Variants in ARHGEF7 observed in about 807,000 individuals in gnomAD.
ARHGEF7 encodes Rho guanine nucleotide exchange factor 7.
ARHGEF7 carries 33 observed loss-of-function variants against 109.8 expected under a neutral mutation model. That is an observed-to-expected ratio of 0.30 (90% CI 0.23 to 0.40). The LOEUF (loss-of-function observed/expected upper bound fraction) is 0.40. Among genes scored for constraint, ARHGEF7 ranks in the 10% least tolerant of loss-of-function variants. The probability of loss-of-function intolerance (pLI) is 1.00; values close to 1 mark genes in which losing one functional copy is unlikely to be tolerated. For synonymous variants in ARHGEF7, 458 were observed against 424.6 expected, an observed-to-expected ratio of 1.08 and a Z score of -0.97; for missense variants, 938 against 1,098.5, an observed-to-expected ratio of 0.85 and a Z score of 2.07.
chr13:111,200,453 C>CTT (rs34569096), intron 2 of ARHGEF7, among the ~76,000 whole-genome samples: 46,141 of 146,130 alleles, frequency 0.32, 8,044 homozygotes, highest in Non-Finnish European at 0.4. Context: ...GAAATCATGT[C>CTT]TTTTTTTTTT....
At chr13:111,194,081 C>T (rs773522017) in intron 2 of ARHGEF7, among the ~76,000 whole-genome samples, 11 of 152,298 alleles carry the variant, frequency 7.2e-5, no homozygotes, top group Middle Eastern at 3.4e-3. Context: ...GACGCTAAGA[C>T]GGCCACCGCC....
Position 111,280,475 on chromosome 13 carries a change from T to C in ARHGEF7, c.1586-63T>C, listed in dbSNP as rs770231821. 43 of 1,578,640 alleles carry C rather than the reference T, an allele frequency of 2.7e-5. 1 individual carries two copies. The highest frequency in any genetic ancestry group is 3.4e-5 in the Non-Finnish European group (39 of 1,160,690). Reference sequence around the variant, plus strand: ...AAGCGCTGAGTGGAATTCTGGGGGGTGTGCACGCACGTGCTTTTTACCTGT... The same window carrying C: ...AAGCGCTGAGTGGAATTCTGGGGGGCGTGCACGCACGTGCTTTTTACCTGT... On this transcript the variant is annotated intron_variant, in intron 14 of 21. Coordinates refer to ENST00000646102, the MANE Select transcript of ARHGEF7 (RefSeq NM_001354046.2).
chr13:111,140,610 A>G (rs1226108896), intron 1 of ARHGEF7, among the ~76,000 whole-genome samples: 1 of 152,176 alleles, frequency 6.6e-6, no homozygotes, highest in African/African-American at 2.4e-5. Flanking sequence ...GAGGTCAAGG[A>G]AGGAATAAGG....
intron 2 of ARHGEF7, among the ~76,000 whole-genome samples, chr13:111,160,252 A>G (rs988446592): frequency 4.0e-5 from 6 of 151,620 alleles, no homozygotes; most frequent in African/African-American, 1.5e-4. Context: ...TGGCTGCTAT[A>G]GCTTGGTAAT....
chr13:111,164,616 A>G lies in ARHGEF7; in HGVS notation c.252+10625A>G, dbSNP rs541185472. 5.9e-5 allele frequency among the ~76,000 whole-genome samples: 9 copies of G among 152,260 alleles called. No homozygotes were observed. The East Asian group carries it at 1.7e-3, about 29-fold the overall frequency. ...TGAGTACTTGGTCTAGCCTGCTGGT[A>G]TTGTTCTTAGAGGTCTGTGATCAAT... On this transcript the variant is annotated intron_variant, in intron 2 of 21. Coordinates refer to ENST00000646102, the MANE Select transcript of ARHGEF7 (RefSeq NM_001354046.2).
intron 5 of ARHGEF7, among the ~76,000 whole-genome samples, chr13:111,222,046 T>G (rs2084494998): frequency 6.6e-6 from 1 of 152,146 alleles, no homozygotes; most frequent in Admixed American, 6.5e-5. Flanking sequence ...GGAAGCTGAT[T>G]AGGTGGTGCC....
intron 18 of ARHGEF7, among the ~76,000 whole-genome samples, chr13:111,289,779 G>A (rs774101710): frequency 7.1e-6 from 1 of 141,032 alleles, no homozygotes; most frequent in South Asian, 2.6e-4. Context: ...ACGGAATCTC[G>A]ATTATCCAGA....
chr13:111,154,575 G>T (rs137888815), intron 2 of ARHGEF7, among the ~76,000 whole-genome samples: 93 of 152,328 alleles, frequency 6.1e-4, no homozygotes, highest in African/African-American at 2.0e-3. Context: ...ACATTAACCA[G>T]TATGTGACGT....
At chr13:111,269,800 C>T (rs1032986678) in intron 9 of ARHGEF7, among the ~76,000 whole-genome samples, 7 of 152,172 alleles carry the variant, frequency 4.6e-5, no homozygotes, top group Non-Finnish European at 7.4e-5. Context: ...AGATTCCTCC[C>T]CACCCCAAAG....
At chr13:111,296,227 T>C (rs1233316383) in intron 19 of ARHGEF7, among the ~76,000 whole-genome samples, 2 of 151,802 alleles carry the variant, frequency 1.3e-5, no homozygotes, top group African/African-American at 4.8e-5. Context: ...TCCATAGTTC[T>C]CTAGAGATGT....
Position 111,272,422 on chromosome 13 carries a change from A to G in ARHGEF7, c.1074-1392A>G, listed in dbSNP as rs2092225698. Among the ~76,000 whole-genome samples the G allele has an allele frequency of 6.6e-6, 1 of 151,726 alleles. No individual in the cohort carries two copies. The highest frequency in any genetic ancestry group is 2.4e-5 in the African/African-American group (1 of 41,276). On this transcript the variant is annotated intron_variant, in intron 9 of 21. Coordinates refer to ENST00000646102, the MANE Select transcript of ARHGEF7 (RefSeq NM_001354046.2). The surrounding 1 kb of genome is among the most constrained non-coding windows in gnomAD (Gnocchi z 5.2). ...GGTGGGAGGCTCCTGTGAGACCAGA[A>G]CCGGAAATTGGCTTGTTTCTCAGTT...
chr13:111,196,954 A>G (rs2080581044), intron 2 of ARHGEF7, among the ~76,000 whole-genome samples: 1 of 152,182 alleles, frequency 6.6e-6, no homozygotes, highest in East Asian at 1.9e-4. Context: ...ATAGTGCAGA[A>G]AAAAATAAGC....
rs1263179075 is a variant in ARHGEF7, at chr13:111,239,880, T to A, written c.760-3992T>A. On this transcript the variant is annotated intron_variant, in intron 6 of 21. Transcript: ENST00000646102. This position sits in a 1 kb window ranked among gnomAD's most constrained non-coding sequence, Gnocchi z 4.3. The stretch of plus-strand genomic sequence containing the variant: ...GTTTGGGAGGATTGAGTGACTTAAT[T>A]GCAAGAAAGGCTGTCTTGTGAAATA... Among the ~76,000 whole-genome samples the A allele has an allele frequency of 6.6e-6, 1 of 151,996 alleles. No individual in the cohort carries two copies. The highest frequency in any genetic ancestry group is 2.4e-5 in the African/African-American group (1 of 41,354).
intron 2 of ARHGEF7, among the ~76,000 whole-genome samples, chr13:111,200,293 T>C (rs892766614): frequency 6.6e-6 from 1 of 152,162 alleles, no homozygotes; most frequent in Non-Finnish European, 1.5e-5. Flanking sequence ...GATGCAGTTG[T>C]GGTACAAAGG....
intron 2 of ARHGEF7, among the ~76,000 whole-genome samples, chr13:111,192,180 C>T (rs2079967470): frequency 6.6e-6 from 1 of 152,082 alleles, no homozygotes. Context: ...AGCTGATGGT[C>T]CTGCAGGTTT....
In ARHGEF7 at chr13:111,280,690, T is replaced by G. The variant is rs778044719; in HGVS notation, c.1725+13T>G. 6.6e-7 allele frequency: 1 copy of G among 1,523,856 alleles called. No individual in the cohort carries two copies. The allele number at this position is 1,523,856 out of a possible 1,614,324, so 94.4% of individuals were successfully genotyped here. A position where few individuals can be genotyped will look rare whatever the true frequency, so the allele number is the denominator to read the frequency against. The stretch of plus-strand genomic sequence containing the variant: ...GCCATCTCATACCGTAAGGACTTGG[T>G]GCTTCTCCTCCTTCCAGACTCCAGG... On this transcript the variant is annotated intron_variant, in intron 15 of 21. Transcript: ENST00000646102.
At chr13:111,251,319 G>A (rs1595183551) in intron 8 of ARHGEF7, among the ~76,000 whole-genome samples, 1 of 152,360 alleles carries the variant, frequency 6.6e-6, no homozygotes, top group East Asian at 1.9e-4. Context: ...GCTGGAGCCT[G>A]TGAATGGAGA....
At chr13:111,283,750 G>A in intron 16 of ARHGEF7, among the ~76,000 whole-genome samples, 1 of 152,168 alleles carries the variant, frequency 6.6e-6, no homozygotes, top group East Asian at 1.9e-4. Context: ...CTCTAGGTTG[G>A]GGATCCTGTC....
At chr13:111,295,856 G>T (rs971484141) in intron 19 of ARHGEF7, among the ~76,000 whole-genome samples, 3 of 152,250 alleles carry the variant, frequency 2.0e-5, no homozygotes, top group African/African-American at 7.2e-5. Flanking sequence ...TTTTAGAAAA[G>T]ATAATGAATT....
Sources: gnomAD v4.1 joint callset for allele counts (sites outside exome capture counted in the v4.1 genomes callset) on GRCh38, gnomAD v4.1.1 for gene constraint, Gnocchi (gnomAD v3.1) non-coding constraint, MANE v1.5 for transcripts, NCBI Gene and HGNC (gene_info 2026-07-23, HGNC 2026-07-21) for gene names.